FSTL4: variants seen among roughly 807,000 people sequenced by gnomAD.
FSTL4 encodes the protein follistatin like 4, also known as follistatin-related protein 4.
A neutral mutation model predicts 78.2 loss-of-function variants in FSTL4; 28 were observed. That is an observed-to-expected ratio of 0.36 (90% CI 0.27 to 0.49). The LOEUF (loss-of-function observed/expected upper bound fraction) is 0.49, where lower values mean the gene tolerates loss of function less well. Ranked by LOEUF, FSTL4 falls within the 20% of genes least tolerant of loss-of-function variation. The probability of loss-of-function intolerance (pLI) is 0.98; values close to 1 mark genes in which losing one functional copy is unlikely to be tolerated. For missense variants in FSTL4, 922 were observed against 1,084.9 expected (o/e 0.85, Z 2.11); for synonymous variants, 422 against 440.5 (o/e 0.96, Z 0.53).
intron 6 of FSTL4, among the ~76,000 whole-genome samples, chr5:133,311,902 G>A (rs75361762): frequency 0.018 from 2,727 of 152,270 alleles, 89 homozygotes; most frequent in African/African-American, 0.062. Flanking sequence ...AGTCTCCAGC[G>A]TGGGCCCAGC....
chr5:133,462,885 A>T (rs917461989), intron 3 of FSTL4, among the ~76,000 whole-genome samples: 3 of 152,236 alleles, frequency 2.0e-5, no homozygotes, highest in Non-Finnish European at 4.4e-5. Context: ...CCTAGAGAGC[A>T]GGTGACCTGA....
intron 11 of FSTL4, 63 bp from the exon 12 acceptor site, chr5:133,220,929 G>A (rs770994548): frequency 2.5e-5 from 23 of 937,272 alleles, no homozygotes; most frequent in South Asian, 1.9e-4. Context: ...AGGGTCACAC[G>A]CAGCATTGAA....
the FSTL4 span, among the ~76,000 whole-genome samples, chr5:133,725,887 G>A: frequency 6.6e-6 from 1 of 152,062 alleles, no homozygotes; most frequent in Non-Finnish European, 1.5e-5. Context: ...AAGAGGGCAG[G>A]GTCTGGATCA....
At position 133,567,216 on chromosome 5, in the gene FSTL4, G is replaced by T. The variant is rs1299159657; in HGVS notation, c.130C>A (p.Pro44Thr). The T allele has an allele frequency of 6.2e-7, 1 of 1,606,500 alleles. No individual in the cohort carries two copies. The highest frequency in any genetic ancestry group is 8.5e-7 in the Non-Finnish European group (1 of 1,173,194). Residue 44 changes from proline to threonine, a missense_variant, in exon 3 of 16, where the codon CCC (proline) becomes ACC (threonine). Physicochemically the swap from Pro to Thr is conservative, Grantham distance 38 (BLOSUM62 -1). Coordinates refer to ENST00000265342, the MANE Select transcript of FSTL4 (RefSeq NM_015082.2). ...CTTCTTGTGACTTCAAAGCTTCTGG[G>T]CTCCTGCAAGAAAAGAAAGACTTTG... ...VGVGESQAEE[P>T]RSFEVTRREG...
At chr5:133,666,669 G>A in the FSTL4 span, among the ~76,000 whole-genome samples, 1 of 151,734 alleles carries the variant, frequency 6.6e-6, no homozygotes, top group African/African-American at 2.4e-5. Flanking sequence ...CTGCTCGTGC[G>A]ATATAGTTTC....
chr5:133,732,957 C>T, the FSTL4 span, among the ~76,000 whole-genome samples: 6 of 152,356 alleles, frequency 3.9e-5, no homozygotes, highest in African/African-American at 1.2e-4. Context: ...CCTCATGCCA[C>T]ACATGGCTTC....
At chr5:133,582,039 C>T (rs1057456393) in intron 2 of FSTL4, among the ~76,000 whole-genome samples, 10 of 152,202 alleles carry the variant, frequency 6.6e-5, no homozygotes, top group African/African-American at 1.9e-4. Context: ...GTGTCACAGG[C>T]ACAGAAACTA....
At chr5:133,292,764 A>G (rs1364207705) in intron 6 of FSTL4, among the ~76,000 whole-genome samples, 2 of 152,032 alleles carry the variant, frequency 1.3e-5, no homozygotes, top group Admixed American at 1.3e-4. Context: ...CAAGGGAAAA[A>G]AAAAAGCCCA....
intron 3 of FSTL4, among the ~76,000 whole-genome samples, chr5:133,561,858 C>T (rs998809288): frequency 6.6e-6 from 1 of 152,180 alleles, no homozygotes; most frequent in African/African-American, 2.4e-5. Flanking sequence ...TTAAGCAGGA[C>T]ACATCGGCTA....
chr5:133,530,708 A>T (rs1445590500), intron 3 of FSTL4, among the ~76,000 whole-genome samples: 1 of 152,142 alleles, frequency 6.6e-6, no homozygotes, highest in Non-Finnish European at 1.5e-5. Context: ...ATGGCCAGGG[A>T]CCCTGCCCCG....
rs569302596 is a variant in FSTL4, at chr5:133,356,103, G to A, written c.410-39451C>T. ...AACCTCCCCCACAGCCAAGGGCTAA[G>A]GGGGCTGTGCTGTAAGAAGTCCTGA... On this transcript the variant is annotated intron_variant, in intron 4 of 15. Coordinates refer to ENST00000265342, the MANE Select transcript of FSTL4 (RefSeq NM_015082.2). Among the ~76,000 whole-genome samples the A allele has an allele frequency of 3.2e-4, 49 of 152,368 alleles. No individual in the cohort carries two copies. In the East Asian group the frequency reaches 7.9e-3, roughly 25 times the overall value.
intron 2 of FSTL4, among the ~76,000 whole-genome samples, chr5:133,593,695 T>C (rs1004644419): frequency 6.6e-6 from 1 of 152,248 alleles, no homozygotes; most frequent in Non-Finnish European, 1.5e-5. Flanking sequence ...TGGACTTCTT[T>C]CTTTATTAAG....
chr5:133,377,712 G>T (rs908440070), intron 4 of FSTL4, among the ~76,000 whole-genome samples: 2 of 151,824 alleles, frequency 1.3e-5, no homozygotes, highest in Non-Finnish European at 2.9e-5. Context: ...AAAAAGAAAA[G>T]AGAAAGGAAC....
chr5:133,337,978 G>A (rs1478920095), intron 4 of FSTL4, among the ~76,000 whole-genome samples: 2 of 152,132 alleles, frequency 1.3e-5, no homozygotes, highest in Non-Finnish European at 2.9e-5. Flanking sequence ...AAATTGTGTG[G>A]CCTTAGATGA....
chr5:133,547,849 C>T (rs749225455), intron 3 of FSTL4, among the ~76,000 whole-genome samples: 2 of 152,038 alleles, frequency 1.3e-5, no homozygotes, highest in South Asian at 2.1e-4. Context: ...TCAGGTATTC[C>T]CTTATAGCAC....
chr5:133,840,293 A>G, the FSTL4 span, among the ~76,000 whole-genome samples: 2 of 152,242 alleles, frequency 1.3e-5, no homozygotes, highest in Non-Finnish European at 2.9e-5. Context: ...TGGGGAATCA[A>G]TATCTTCCAG....
chr5:133,504,911 G>A (rs762849157), intron 3 of FSTL4, among the ~76,000 whole-genome samples: 7 of 152,146 alleles, frequency 4.6e-5, no homozygotes, highest in Non-Finnish European at 1.0e-4. Flanking sequence ...CTCTCCCCCT[G>A]TGAATATGAA....
At chr5:133,634,410 T>G in the FSTL4 span, among the ~76,000 whole-genome samples, 1 of 151,798 alleles carries the variant, frequency 6.6e-6, no homozygotes, top group Non-Finnish European at 1.5e-5. Flanking sequence ...TTTTCCTCTG[T>G]ACCTGTTGGC....
In FSTL4 at chr5:133,278,386, T is replaced by TG. The variant is rs60469827; in HGVS notation, c.728-28811_728-28810insC. The stretch of plus-strand genomic sequence containing the variant: ...CTTGGCTTGTGTTCCCAAATCCTAC[T>TG]TGTCCTCCAGCCACATGGAGAGCCC... On this transcript the variant is annotated intron_variant, in intron 6 of 15. Transcript: ENST00000265342. Among the ~76,000 whole-genome samples, 663 of 152,330 alleles carry TG rather than the reference T, an allele frequency of 4.4e-3. 8 individuals carry two copies. The highest frequency in any genetic ancestry group is 0.015 in the African/African-American group (638 of 41,570).
Sources: gnomAD v4.1 joint callset for allele counts (sites outside exome capture counted in the v4.1 genomes callset) on GRCh38, gnomAD v4.1.1 for gene constraint, MANE v1.5 for transcripts, NCBI Gene and HGNC (gene_info 2026-07-23, HGNC 2026-07-21) for gene names.